Variants in TBC1D4 observed in about 807,000 individuals in gnomAD.
TBC1D4 encodes TBC1 domain family member 4.
In TBC1D4, 121 loss-of-function variants were observed where a neutral mutation model predicts 142.5. The observed-to-expected ratio is 0.85, with a 90% CI of 0.73 to 0.99. The LOEUF (loss-of-function observed/expected upper bound fraction) is 0.99. Ranked by LOEUF, TBC1D4 falls within the 50% of genes least tolerant of loss-of-function variation. The pLI is 0.00. For synonymous variants in TBC1D4, 630 were observed against 628.2 expected (o/e 1.00, Z -0.04); for missense variants, 1,475 against 1,606.6 (o/e 0.92, Z 1.40).
chr13:75,349,188 G>A lies in TBC1D4; in HGVS notation c.1390C>T (p.Leu464Phe), dbSNP rs764167297. The A allele has an allele frequency of 3.1e-6, 5 of 1,614,046 alleles. No homozygotes were observed. Among genetic ancestry groups the A allele is most frequent in the Non-Finnish European group, 3.4e-6 (4 of 1,179,952 alleles). The change falls in exon 5 of 21, where the codon CTC (leucine) becomes TTC (phenylalanine). Residue 464 changes from leucine (L) to phenylalanine (F), a missense_variant. Physicochemically the swap from Leu to Phe is conservative, Grantham distance 22 (BLOSUM62 0). Around this residue, in one of 2 missense-constraint regions of TBC1D4, gnomAD observed 1,227 missense variants for 1,267.7 expected, o/e 0.97. Coordinates refer to ENST00000377636, the MANE Select transcript of TBC1D4 (RefSeq NM_014832.5). ...ACTGTACCTTCAATCCTTTCACAGA[G>A]CTTATGCAAAGAGTGCATCGGGCAG... ...EACPMHSLHK[L>F]CERIEGLYPP...
rs1876655149 is a variant in TBC1D4, at chr13:75,302,305, A to G, written c.2849T>C (p.Ile950Thr). Residue 950 changes from isoleucine (I) to threonine (T), a missense_variant, in exon 16 of 21, where the codon ATA becomes ACA. By Grantham distance (89) the Ile-to-Thr change is moderately conservative. This residue lies in a region of TBC1D4 where 1,227 missense variants were observed against 1,267.7 expected (regional missense o/e 0.97). Coordinates refer to ENST00000377636, the MANE Select transcript of TBC1D4 (RefSeq NM_014832.5). ...CTGCTTCAAAAGTTCCTTATAGGAT[A>G]TGTCAGGAGGCTGTTGTTTATTAGG... ...RLPNKQQPPDISYKELLKQLT... is the reference protein window; with the variant it reads ...RLPNKQQPPDTSYKELLKQLT... The G allele has an allele frequency of 6.2e-7, 1 of 1,614,114 alleles. No individual in the cohort carries two copies. Among genetic ancestry groups the G allele is most frequent in the Admixed American group, 1.7e-5 (1 of 60,010 alleles).
intron 1 of TBC1D4, among the ~76,000 whole-genome samples, chr13:75,409,761 C>T (rs928444101): frequency 2.0e-5 from 3 of 152,334 alleles, no homozygotes; most frequent in East Asian, 1.9e-4. Flanking sequence ...GCAATCCCAG[C>T]TTCTCTTTAG....
chr13:75,309,324 A>C (rs1420720971), intron 14 of TBC1D4, among the ~76,000 whole-genome samples: 1 of 152,156 alleles, frequency 6.6e-6, no homozygotes, highest in African/African-American at 2.4e-5. Context: ...CACCACAAAC[A>C]GTACAAAATC....
chr13:75,443,662 GA>G (rs1360884362), intron 1 of TBC1D4, among the ~76,000 whole-genome samples: 1 of 152,192 alleles, frequency 6.6e-6, no homozygotes, highest in East Asian at 1.9e-4. Context: ...AACTAACAGG[GA>G]GGCTTTTTCC....
chr13:75,456,031 A>G (rs868141892), intron 1 of TBC1D4, among the ~76,000 whole-genome samples: 1 of 151,476 alleles, frequency 6.6e-6, no homozygotes, highest in African/African-American at 2.4e-5. Flanking sequence ...GGGTCCCACT[A>G]TGTTGCCCAG....
At position 75,402,607 on chromosome 13, in the gene TBC1D4, T is replaced by C. The variant is rs562495344; in HGVS notation, c.499-40000A>G. ...ACATTTTACTTGGTACATACACTTT[T>C]ACTTTAAAAACAATTTCATTTTCCA... is the stretch of plus-strand genomic sequence containing the variant. On this transcript the variant is annotated intron_variant, in intron 1 of 20. Transcript: ENST00000377636. Among the ~76,000 whole-genome samples the C allele has an allele frequency of 8.1e-4, 123 of 151,156 alleles. 1 individual carries two copies. Among genetic ancestry groups the C allele is most frequent in the African/African-American group, 2.8e-3 (117 of 41,372 alleles).
At chr13:75,368,107 A>G (rs1883020748) in intron 1 of TBC1D4, among the ~76,000 whole-genome samples, 1 of 152,230 alleles carries the variant, frequency 6.6e-6, no homozygotes. Context: ...CTTTAAAGCA[A>G]ATTTTCCAAA....
rs1881413101 is a variant in TBC1D4 at position 75,349,274 on chromosome 13, T to C, written c.1304A>G (p.Gln435Arg). 6.2e-7 allele frequency: 1 copy of C among 1,613,862 alleles called. No individual in the cohort carries two copies. The highest frequency in any genetic ancestry group is 1.1e-5 in the South Asian group (1 of 91,080). ...CAGGGCAGCCGCCGTACTGAAGGCC[T>C]GTTTCAGAGTCAGCATTACCTCATC... is the stretch of plus-strand genomic sequence containing the variant. ...LVDEVMLTLK[Q>R]AFSTAAALQS... Residue 435 changes from glutamine to arginine, a missense_variant, in exon 5 of 21, where the codon CAG becomes CGG. Gln to Arg is a conservative substitution (Grantham distance 43). This residue lies in a region of TBC1D4 where 1,227 missense variants were observed against 1,267.7 expected (regional missense o/e 0.97). Transcript: ENST00000377636.
chr13:75,450,123 A>T (rs1887472821), intron 1 of TBC1D4, among the ~76,000 whole-genome samples: 1 of 152,206 alleles, frequency 6.6e-6, no homozygotes, highest in Admixed American at 6.5e-5. Flanking sequence ...GAAAAGACTA[A>T]AACCTACCAT....
intron 16 of TBC1D4, among the ~76,000 whole-genome samples, chr13:75,301,200 A>G (rs1876505408): frequency 6.6e-6 from 1 of 152,204 alleles, no homozygotes; most frequent in Admixed American, 6.5e-5. Flanking sequence ...GAGTACAAAT[A>G]AAGTGGTCAA....
chr13:75,290,681 A>G (rs530587312), intron 19 of TBC1D4, among the ~76,000 whole-genome samples: 37 of 152,326 alleles, frequency 2.4e-4, no homozygotes, highest in African/African-American at 7.7e-4. Context: ...ATAAAATTTT[A>G]CATGTATTAA....
chr13:75,290,485 A>C (rs975831786), intron 19 of TBC1D4, among the ~76,000 whole-genome samples: 2 of 152,142 alleles, frequency 1.3e-5, no homozygotes, highest in Non-Finnish European at 2.9e-5. Flanking sequence ...TAATTTTAGA[A>C]GGGAGGTGAT....
At chr13:75,340,718 G>A (rs1412142666) in intron 7 of TBC1D4, among the ~76,000 whole-genome samples, 2 of 152,092 alleles carry the variant, frequency 1.3e-5, no homozygotes, top group African/African-American at 4.8e-5. Flanking sequence ...AGGCCGAGGC[G>A]GGGGGATCAC....
intron 15 of TBC1D4, among the ~76,000 whole-genome samples, chr13:75,304,055 T>C (rs536707716): frequency 6.6e-6 from 1 of 152,336 alleles, no homozygotes; most frequent in South Asian, 2.1e-4. Flanking sequence ...ATATTGAAGT[T>C]TTGTCTCTTT....
intron 1 of TBC1D4, among the ~76,000 whole-genome samples, chr13:75,414,646 C>A (rs1323943236): frequency 2.0e-5 from 3 of 151,770 alleles, no homozygotes; most frequent in South Asian, 4.2e-4. Flanking sequence ...TGTGTATATG[C>A]ATGTGTGTGT....
At chr13:75,317,107 A>G (rs1447375784) in intron 12 of TBC1D4, among the ~76,000 whole-genome samples, 1 of 152,180 alleles carries the variant, frequency 6.6e-6, no homozygotes, top group South Asian at 2.1e-4. Flanking sequence ...GCCCACAGTC[A>G]CACGGATAAT....
chr13:75,358,619 C>G (rs1882254443), intron 3 of TBC1D4, among the ~76,000 whole-genome samples: 1 of 152,020 alleles, frequency 6.6e-6, no homozygotes, highest in South Asian at 2.1e-4. Flanking sequence ...GAGGCCAAAG[C>G]AGGAAGATCT....
chr13:75,297,247 T>C (rs1432636568), intron 17 of TBC1D4, among the ~76,000 whole-genome samples: 1 of 152,232 alleles, frequency 6.6e-6, no homozygotes, highest in Non-Finnish European at 1.5e-5. Context: ...CATGAATTTT[T>C]GTAATGTCAA....
intron 1 of TBC1D4, among the ~76,000 whole-genome samples, chr13:75,437,761 T>C (rs1291063463): frequency 2.0e-5 from 3 of 152,166 alleles, no homozygotes; most frequent in South Asian, 2.1e-4. Context: ...TCACCAGTAG[T>C]AGCTAATTCC....
Sources: allele counts gnomAD v4.1 joint callset (sites outside exome capture counted in the v4.1 genomes callset), GRCh38; gene constraint gnomAD v4.1.1; regional missense constraint gnomAD v4.1.1; transcripts MANE v1.5; gene names NCBI Gene and HGNC (gene_info 2026-07-23, HGNC 2026-07-21).